The following RGPD2 variants were observed in gnomAD, a reference collection of about 807,000 sequenced individuals.
RGPD2 encodes RANBP2-like and GRIP domain-containing protein 2.
In RGPD2, 2 loss-of-function variants were observed where a neutral mutation model predicts 36.0. The ratio of observed to expected loss-of-function variants is 0.06; its 90% CI spans 0.02 to 0.17. The LOEUF (loss-of-function observed/expected upper bound fraction) is 0.17. Ranked by LOEUF, RGPD2 falls within the 10% of genes least tolerant of loss-of-function variation. RGPD2 has a pLI of 1.00. For missense variants in RGPD2, 40 were observed against 464.3 expected (o/e 0.09, Z 8.40); for synonymous variants, 19 against 163.8 (o/e 0.12, Z 6.75).
chr2:87,988,127 T>A, the RGPD2 span, among the ~76,000 whole-genome samples: 754 of 151,196 alleles, frequency 5.0e-3, 6 homozygotes, highest in African/African-American at 0.017. Flanking sequence ...AACCAAGATA[T>A]GTCATGAACT....
chr2:87,887,094 T>A, the RGPD2 span, among the ~76,000 whole-genome samples: 1 of 151,628 alleles, frequency 6.6e-6, no homozygotes, highest in Non-Finnish European at 1.5e-5. Context: ...CAAGGACCTA[T>A]AAATATTTTT....
At chr2:87,854,175 C>A in the RGPD2 span, among the ~76,000 whole-genome samples, 1 of 126,644 alleles carries the variant, frequency 7.9e-6, no homozygotes, top group South Asian at 3.0e-4. Context: ...ATGGCGTGAT[C>A]TCAGCTCACT....
chr2:87,864,524 T>C, the RGPD2 span, among the ~76,000 whole-genome samples: 6 of 152,384 alleles, frequency 3.9e-5, no homozygotes, highest in South Asian at 4.1e-4. Flanking sequence ...ACCTCTGTGA[T>C]TGTGTAAGCC....
the RGPD2 span, among the ~76,000 whole-genome samples, chr2:87,874,686 T>C: frequency 6.6e-6 from 1 of 152,184 alleles, no homozygotes; most frequent in South Asian, 2.1e-4. Flanking sequence ...TTTGTTTTTC[T>C]TAGGATTGTC....
chr2:87,974,754 T>C, the RGPD2 span, among the ~76,000 whole-genome samples: 1 of 152,214 alleles, frequency 6.6e-6, no homozygotes, highest in Non-Finnish European at 1.5e-5. Context: ...TATTCTCTCA[T>C]TGTCCACATC....
chr2:87,969,057 ATT>A, the RGPD2 span: 42 of 125,468 alleles, frequency 3.3e-4, no homozygotes, highest in South Asian at 5.4e-4. Context: ...GAAAGTGAGA[ATT>A]TTTTTTTTTT....
the RGPD2 span, among the ~76,000 whole-genome samples, chr2:87,918,562 A>G: frequency 1.3e-5 from 2 of 151,246 alleles, no homozygotes; most frequent in Non-Finnish European, 2.9e-5. Flanking sequence ...TGCATGTGAC[A>G]CCACCAATTC....
chr2:87,760,890 T>C (rs538926222), intron 22 of RGPD2, among the ~76,000 whole-genome samples: 1 of 149,970 alleles, frequency 6.7e-6, no homozygotes, highest in Non-Finnish European at 1.5e-5. Flanking sequence ...TTGCTGGCAT[T>C]ATAGGCGTAA....
chr2:87,869,923 A>G, the RGPD2 span, among the ~76,000 whole-genome samples: 1 of 152,218 alleles, frequency 6.6e-6, no homozygotes, highest in African/African-American at 2.4e-5. Flanking sequence ...TGTTCTTCTG[A>G]TTTGTGTTTT....
At chr2:87,916,727 C>A in the RGPD2 span, among the ~76,000 whole-genome samples, 8 of 151,612 alleles carry the variant, frequency 5.3e-5, no homozygotes, top group Admixed American at 5.3e-4. Context: ...CTTCTTGAGG[C>A]CTCCCCAGAA....
intron 20 of RGPD2, among the ~76,000 whole-genome samples, chr2:87,781,757 C>T (rs1347685025): frequency 6.9e-6 from 1 of 144,614 alleles, no homozygotes; most frequent in African/African-American, 2.6e-5. Context: ...CCACCGTGCC[C>T]AGCCTCAATA....
At chr2:87,836,346 A>AAAAAG in the RGPD2 span, among the ~76,000 whole-genome samples, 3 of 148,998 alleles carry the variant, frequency 2.0e-5, no homozygotes, top group East Asian at 5.9e-4. Context: ...AGGAAGGAAA[A>AAAAAG]AAAAGAAAAG....
the RGPD2 span, among the ~76,000 whole-genome samples, chr2:87,962,268 T>G: frequency 2.0e-5 from 3 of 152,176 alleles, no homozygotes; most frequent in Non-Finnish European, 4.4e-5. Flanking sequence ...AAGCTCACAT[T>G]TGTGTAAACA....
the RGPD2 span, among the ~76,000 whole-genome samples, chr2:87,952,446 T>C: frequency 6.6e-6 from 1 of 152,100 alleles, no homozygotes. Flanking sequence ...GAAAGAAAAA[T>C]GAGGCCAACA....
intron 22 of RGPD2, among the ~76,000 whole-genome samples, chr2:87,768,998 G>T (rs1439208731): frequency 3.2e-4 from 2 of 6,276 alleles, no homozygotes; most frequent in Non-Finnish European, 6.1e-4. Context: ...TAAGAGTTTT[G>T]CTCTTGTTGC....
At chr2:87,982,259 G>T in the RGPD2 span, among the ~76,000 whole-genome samples, 7 of 40,370 alleles carry the variant, frequency 1.7e-4, 2 homozygotes, top group African/African-American at 3.2e-4. Flanking sequence ...TTACTTATTT[G>T]TTTCCCTCAA....
chr2:87,880,368 A>G, the RGPD2 span, among the ~76,000 whole-genome samples: 1 of 136,138 alleles, frequency 7.3e-6, no homozygotes, highest in African/African-American at 2.9e-5. Context: ...TTATAATCAT[A>G]TCTAAGTATT....
the RGPD2 span, among the ~76,000 whole-genome samples, chr2:87,966,584 T>C: frequency 3.9e-5 from 6 of 152,122 alleles, no homozygotes; most frequent in Non-Finnish European, 7.4e-5. Flanking sequence ...TAAAATAAAA[T>C]AAAATAAAAT....
the RGPD2 span, among the ~76,000 whole-genome samples, chr2:87,877,660 C>A: frequency 6.6e-6 from 1 of 152,238 alleles, no homozygotes; most frequent in African/African-American, 2.4e-5. Flanking sequence ...AAAAAATTAT[C>A]TGGGCGTGGT....
Sources: gnomAD v4.1 joint callset for allele counts (sites outside exome capture counted in the v4.1 genomes callset) on GRCh38, gnomAD v4.1.1 for gene constraint, MANE v1.5 for transcripts, NCBI Gene and HGNC (gene_info 2026-07-23, HGNC 2026-07-21) for gene names.